The following PRKN variants were observed in gnomAD, a reference collection of about 807,000 sequenced individuals.
The protein encoded by PRKN is parkin RBR E3 ubiquitin protein ligase.
Under a neutral mutation model 59.5 loss-of-function variants are expected in PRKN, and 56 were observed. The observed-to-expected ratio is 0.94, with a 90% confidence interval of 0.76 to 1.18. The LOEUF is 1.18. Ranked by LOEUF, PRKN falls within the 50% of genes most tolerant of loss-of-function variation. The pLI is 0.00. For synonymous variants in PRKN, 250 were observed against 222.1 expected, an observed-to-expected ratio of 1.13 and a Z score of -1.12; for missense variants, 657 against 596.4, an observed-to-expected ratio of 1.10 and a Z score of -1.06.
At chr6:162,307,211 C>A (rs966628699) in intron 2 of PRKN, among the ~76,000 whole-genome samples, 1 of 151,828 alleles carries the variant, frequency 6.6e-6, no homozygotes, top group African/African-American at 2.4e-5. Flanking sequence ...ACCAGCCTGG[C>A]CAACATGGTG....
At chr6:162,000,818 T>C (rs775303740) in intron 5 of PRKN, among the ~76,000 whole-genome samples, 3 of 149,602 alleles carry the variant, frequency 2.0e-5, no homozygotes, top group Non-Finnish European at 3.0e-5. Context: ...GTTTTAATTT[T>C]GTAAGGAGTA....
chr6:161,362,235 A>C lies in PRKN; in HGVS notation c.1168-2030T>G, dbSNP rs1041239099. On this transcript the variant is annotated intron_variant, in intron 10 of 11. Transcript: ENST00000366898. The surrounding 1 kb of genome is among the most constrained non-coding windows in gnomAD (Gnocchi z 5.2). ...AAAAATGCTGGATCAAATATGGAAA[A>C]AAATCTTTTTTAAACGTACGGCTGA... 6.6e-6 allele frequency among the ~76,000 whole-genome samples: 1 copy of C among 152,244 alleles called. No homozygotes were observed. The highest frequency in any genetic ancestry group is 1.5e-5 in the Non-Finnish European group (1 of 68,044).
chr6:161,861,385 T>C (rs1013648337), intron 6 of PRKN, among the ~76,000 whole-genome samples: 5 of 152,112 alleles, frequency 3.3e-5, no homozygotes, highest in Non-Finnish European at 7.4e-5. Context: ...TGAGAACACA[T>C]GGACACAGGG....
chr6:162,295,623 C>T (rs976829722), intron 2 of PRKN, among the ~76,000 whole-genome samples: 2 of 152,204 alleles, frequency 1.3e-5, no homozygotes, highest in Non-Finnish European at 2.9e-5. Flanking sequence ...GAAGTATTAC[C>T]TGGCCCCACT....
chr6:162,374,467 G>T (rs1426134447), intron 2 of PRKN, among the ~76,000 whole-genome samples: 1 of 151,462 alleles, frequency 6.6e-6, no homozygotes, highest in Non-Finnish European at 1.5e-5. Flanking sequence ...TGGTCTGGTC[G>T]GTTGGAGCCT....
chr6:161,925,550 G>A (rs553383378), intron 6 of PRKN, among the ~76,000 whole-genome samples: 22 of 152,030 alleles, frequency 1.4e-4, no homozygotes, highest in Non-Finnish European at 2.1e-4. Flanking sequence ...CACGCTGGGC[G>A]ATAGAGTGAG....
At chr6:161,883,541 A>G (rs889241274) in intron 6 of PRKN, among the ~76,000 whole-genome samples, 2 of 152,156 alleles carry the variant, frequency 1.3e-5, no homozygotes, top group African/African-American at 2.4e-5. Context: ...GAAACATCTG[A>G]AACACAACAC....
intron 1 of PRKN, among the ~76,000 whole-genome samples, chr6:162,489,879 C>G (rs112085507): frequency 2.7e-4 from 41 of 152,312 alleles, no homozygotes; most frequent in African/African-American, 9.6e-4. Flanking sequence ...AGGGTCACAA[C>G]CCCTCCTCAT....
chr6:162,055,729 C>T (rs1288926813), intron 4 of PRKN, among the ~76,000 whole-genome samples: 3 of 152,104 alleles, frequency 2.0e-5, no homozygotes, highest in Non-Finnish European at 2.9e-5. Flanking sequence ...CTACCGACGA[C>T]GTTTGGACCC....
intron 9 of PRKN, among the ~76,000 whole-genome samples, chr6:161,491,379 T>C (rs1022732446): frequency 6.6e-6 from 1 of 152,194 alleles, no homozygotes; most frequent in Non-Finnish European, 1.5e-5. Flanking sequence ...CAGGATGCTC[T>C]ACTGCACCTG....
chr6:162,707,595 G>A (rs1334913086), intron 1 of PRKN, among the ~76,000 whole-genome samples: 3 of 138,978 alleles, frequency 2.2e-5, no homozygotes, highest in Non-Finnish European at 4.6e-5. Context: ...TTTTTTTTCC[G>A]AGACACAGTC....
At chr6:162,596,833 A>G (rs1781511448) in intron 1 of PRKN, among the ~76,000 whole-genome samples, 1 of 152,142 alleles carries the variant, frequency 6.6e-6, no homozygotes, top group Non-Finnish European at 1.5e-5. Flanking sequence ...TATTTCTACC[A>G]GGGGCCCAGA....
Position 162,317,771 on chromosome 6 carries a change from C to T in PRKN, c.172-55006G>A, listed in dbSNP as rs767354049. Among the ~76,000 whole-genome samples the T allele has an allele frequency of 1.3e-5, 2 of 151,958 alleles. 1 individual carries two copies. The highest frequency in any genetic ancestry group is 4.2e-4 in the South Asian group (2 of 4,816). ...GGATGGTCGAGATACATCCCATTCA[C>T]CTATTTCCCTGTCTCAAGTAAATGT... On this transcript the variant is annotated intron_variant, in intron 2 of 11. Coordinates refer to ENST00000366898, the MANE Select transcript of PRKN (RefSeq NM_004562.3).
intron 9 of PRKN, among the ~76,000 whole-genome samples, chr6:161,425,591 G>A (rs1788305711): frequency 6.6e-6 from 1 of 152,106 alleles, no homozygotes; most frequent in Non-Finnish European, 1.5e-5. Context: ...CATTTCTGAT[G>A]CACCAGATCA....
chr6:162,188,389 T>A (rs1784117086), intron 4 of PRKN, among the ~76,000 whole-genome samples: 1 of 152,114 alleles, frequency 6.6e-6, no homozygotes, highest in Non-Finnish European at 1.5e-5. Flanking sequence ...GAATTGTCAT[T>A]TCCAACCCTG....
chr6:161,821,850 G>A (rs926610128), intron 6 of PRKN, among the ~76,000 whole-genome samples: 10 of 145,014 alleles, frequency 6.9e-5, no homozygotes, highest in African/African-American at 2.5e-4. Flanking sequence ...CTGGGTTGAA[G>A]TGATTCTCCT....
chr6:161,999,906 T>C lies in PRKN; in HGVS notation c.619-26489A>G, dbSNP rs2128262297. Reference sequence around the variant, plus strand: ...TTACTAGCAACTTGAAAAATACTGATAATTATATTTCAAAGAAATACTAAT... The same window carrying C: ...TTACTAGCAACTTGAAAAATACTGACAATTATATTTCAAAGAAATACTAAT... On this transcript the variant is annotated intron_variant, in intron 5 of 11. Coordinates refer to ENST00000366898, the MANE Select transcript of PRKN (RefSeq NM_004562.3). 1.3e-5 allele frequency among the ~76,000 whole-genome samples: 2 copies of C among 152,248 alleles called. 1 individual carries two copies. The highest frequency in any genetic ancestry group is 4.1e-4 in the South Asian group (2 of 4,824).
At chr6:162,076,960 TC>T (rs996630544) in intron 4 of PRKN, among the ~76,000 whole-genome samples, 4 of 152,190 alleles carry the variant, frequency 2.6e-5, no homozygotes, top group Non-Finnish European at 4.4e-5. Context: ...GAACTGCAAC[TC>T]CCATCTTCTT....
intron 1 of PRKN, among the ~76,000 whole-genome samples, chr6:162,445,185 T>C (rs1790251024): frequency 6.6e-6 from 1 of 152,166 alleles, no homozygotes; most frequent in South Asian, 2.1e-4. Context: ...TGTGCTCTCA[T>C]ATGGTTTTTC....
Sources: gnomAD v4.1 joint callset for allele counts (sites outside exome capture counted in the v4.1 genomes callset) on GRCh38, gnomAD v4.1.1 for gene constraint, Gnocchi (gnomAD v3.1) non-coding constraint, MANE v1.5 for transcripts, NCBI Gene and HGNC (gene_info 2026-07-23, HGNC 2026-07-21) for gene names.